SAMTOR: variants seen among roughly 807,000 people sequenced by gnomAD.
SAMTOR encodes the protein UPF0532 protein C7orf60.
At chr7:112,822,179 C>A in the SAMTOR span, 1 of 1,613,814 alleles carries the variant, frequency 6.2e-7, no homozygotes, top group East Asian at 2.2e-5. Context: ...CATGGGCTTT[C>A]TTGCAGCAAA....
At chr7:112,892,779 A>T in the SAMTOR span, among the ~76,000 whole-genome samples, 4,141 of 152,038 alleles carry the variant, frequency 0.027, 196 homozygotes, top group African/African-American at 0.093. Flanking sequence ...TCCAAAAAAA[A>T]AAAAATAATA....
At chr7:112,870,321 C>A in the SAMTOR span, among the ~76,000 whole-genome samples, 4 of 152,234 alleles carry the variant, frequency 2.6e-5, no homozygotes, top group South Asian at 8.3e-4. Flanking sequence ...ATCTGGCTAA[C>A]AATAGATTTC....
At chr7:112,861,570 T>C in the SAMTOR span, among the ~76,000 whole-genome samples, 1 of 152,226 alleles carries the variant, frequency 6.6e-6, no homozygotes, top group Non-Finnish European at 1.5e-5. Context: ...TTTGGAATTA[T>C]TTATTGCTTT....
the SAMTOR span, among the ~76,000 whole-genome samples, chr7:112,900,740 A>G: frequency 6.6e-6 from 1 of 152,204 alleles, no homozygotes; most frequent in East Asian, 1.9e-4. Context: ...CTACAAAAAT[A>G]TGGTCAACAG....
the SAMTOR span, among the ~76,000 whole-genome samples, chr7:112,865,290 T>C: frequency 3.3e-5 from 5 of 151,566 alleles, no homozygotes; most frequent in South Asian, 1.0e-3. Flanking sequence ...ATCTCTCTCT[T>C]TTTTTTGAGA....
chr7:112,865,634 C>CAT, the SAMTOR span, among the ~76,000 whole-genome samples: 8 of 142,518 alleles, frequency 5.6e-5, no homozygotes, highest in African/African-American at 7.9e-5. Context: ...ATATATATAT[C>CAT]ATATATACAT....
chr7:112,842,983 G>A, the SAMTOR span, among the ~76,000 whole-genome samples: 7 of 151,942 alleles, frequency 4.6e-5, no homozygotes, highest in Non-Finnish European at 8.8e-5. Context: ...TAACACAAGA[G>A]GAACTACCTG....
At chr7:112,868,129 G>A in the SAMTOR span, among the ~76,000 whole-genome samples, 2 of 152,206 alleles carry the variant, frequency 1.3e-5, no homozygotes, top group Non-Finnish European at 2.9e-5. Context: ...GGTCTCTGGT[G>A]CCAAAAGGGT....
chr7:112,820,593 C>T, the SAMTOR span: 1 of 152,100 alleles, frequency 6.6e-6, no homozygotes, highest in African/African-American at 2.4e-5. Context: ...CTTGTTTGGA[C>T]ATATATTTTT....
At chr7:112,841,680 C>T in the SAMTOR span, among the ~76,000 whole-genome samples, 4 of 152,096 alleles carry the variant, frequency 2.6e-5, no homozygotes, top group African/African-American at 9.7e-5. Flanking sequence ...TCAAACTATA[C>T]TAGAAGGCTA....
At chr7:112,836,059 C>T in the SAMTOR span, among the ~76,000 whole-genome samples, 1 of 152,100 alleles carries the variant, frequency 6.6e-6, no homozygotes, top group Non-Finnish European at 1.5e-5. Flanking sequence ...TGAGGAATTG[C>T]TACACTGCTT....
At chr7:112,850,400 T>G in the SAMTOR span, among the ~76,000 whole-genome samples, 4 of 152,156 alleles carry the variant, frequency 2.6e-5, no homozygotes, top group Admixed American at 1.3e-4. Flanking sequence ...GGAATTCGGG[T>G]GATATTGGCT....
At chr7:112,858,885 G>A in the SAMTOR span, among the ~76,000 whole-genome samples, 1 of 152,172 alleles carries the variant, frequency 6.6e-6, no homozygotes. Context: ...ACCCTGTGAT[G>A]ATTAATATTA....
the SAMTOR span, among the ~76,000 whole-genome samples, chr7:112,909,880 T>C: frequency 6.6e-6 from 1 of 150,836 alleles, no homozygotes; most frequent in Non-Finnish European, 1.5e-5. Flanking sequence ...TATAATATTA[T>C]ATTATATATT....
the SAMTOR span, among the ~76,000 whole-genome samples, chr7:112,926,841 C>A: frequency 1.1e-4 from 17 of 151,950 alleles, no homozygotes; most frequent in African/African-American, 3.9e-4. Flanking sequence ...TGCAAGGCAT[C>A]CTGGACCCAA....
the SAMTOR span, among the ~76,000 whole-genome samples, chr7:112,938,807 C>A: frequency 6.6e-6 from 1 of 152,242 alleles, no homozygotes; most frequent in African/African-American, 2.4e-5. Flanking sequence ...ACTAAGGCTT[C>A]TTCCCCTATG....
chr7:112,935,766 C>G, the SAMTOR span, among the ~76,000 whole-genome samples: 206 of 152,208 alleles, frequency 1.4e-3, no homozygotes, highest in African/African-American at 4.6e-3. Context: ...ACTTTTACTC[C>G]TGACAACTGC....
chr7:112,922,889 GC>G, the SAMTOR span, among the ~76,000 whole-genome samples: 75,807 of 96,194 alleles, frequency 0.79, 30,641 homozygotes, highest in East Asian at 0.95. Flanking sequence ...GGGGGGGTCA[GC>G]CCCCCCCCCC....
At chr7:112,856,313 G>C in the SAMTOR span, among the ~76,000 whole-genome samples, 1 of 150,968 alleles carries the variant, frequency 6.6e-6, no homozygotes, top group African/African-American at 2.4e-5. Flanking sequence ...GCAGTGGCGT[G>C]ATTTTGGCTC....
Sources: gnomAD v4.1 joint callset for allele counts (sites outside exome capture counted in the v4.1 genomes callset) on GRCh38, gnomAD v4.1.1 for gene constraint, MANE v1.5 for transcripts, NCBI Gene and HGNC (gene_info 2026-07-23, HGNC 2026-07-21) for gene names.